Variants in TUB observed in about 807,000 individuals in gnomAD.
TUB encodes the protein tubby protein homolog.
Under a neutral mutation model 59.7 loss-of-function variants are expected in TUB, and 33 were observed. That is an observed-to-expected ratio of 0.55 (90% confidence interval 0.42 to 0.74). The LOEUF is 0.74. TUB is among the 30% of genes least tolerant of loss of function. The probability of loss-of-function intolerance (pLI) is 0.00; values close to 1 mark genes in which losing one functional copy is unlikely to be tolerated. For missense variants in TUB, 659 were observed against 672.0 expected (o/e 0.98, Z 0.21); for synonymous variants, 293 against 256.4 (o/e 1.14, Z -1.36).
chr11:8,089,761 A>T, intron 2 of TUB, 100 bp downstream of exon 2: 1 of 1,462,006 alleles, frequency 6.8e-7, no homozygotes, highest in Non-Finnish European at 9.6e-7. Context: ...ATCCCGTCTG[A>T]TTGGGGGATG....
chr11:8,101,650 G>A lies in TUB; in HGVS notation c.*31G>A. 6.2e-7 allele frequency: 1 copy of A among 1,611,708 alleles called. No homozygotes were observed. Among genetic ancestry groups the A allele is most frequent in the Non-Finnish European group, 8.5e-7 (1 of 1,178,950 alleles). On this transcript the variant is annotated 3_prime_UTR_variant, in exon 12 of 12. Transcript: ENST00000299506. ...TCTTCGTGCCCTTTGGGGTTGCCCAGCCTGGAGCGGAGCTTGCCTGCCTGC... is the reference window on the plus strand; with the variant it reads ...TCTTCGTGCCCTTTGGGGTTGCCCAACCTGGAGCGGAGCTTGCCTGCCTGC...
chr11:8,097,398 G>A lies in TUB; in HGVS notation c.858G>A (p.Leu286=), dbSNP rs756724213. The A allele has an allele frequency of 6.8e-6, 11 of 1,614,202 alleles. 1 individual carries two copies. The highest frequency in any genetic ancestry group is 1.6e-4 in the Middle Eastern group (1 of 6,062). ...GGGGCATGTACCCCACCTACTTTCT[G>A]CACCTGGACCGTGAGGATGGGAAGA... ...MDRGMYPTYF[L]HLDREDGKKV... is the part of the protein sequence containing the mutation. Residue 286 remains leucine (L), a synonymous_variant, in exon 7 of 12, where the codon CTG becomes CTA. Transcript: ENST00000299506.
intron 2 of TUB, chr11:8,075,898 T>C (rs1943441211): frequency 6.6e-6 from 1 of 152,306 alleles, no homozygotes; most frequent in Non-Finnish European, 1.5e-5. Context: ...GACTGTACTC[T>C]GATGAGTTGC....
intron 1 of TUB, chr11:8,019,431 C>T (rs1228433068): frequency 9.0e-6 from 11 of 1,220,532 alleles, no homozygotes; most frequent in African/African-American, 6.3e-5. Flanking sequence ...AGCGGGCCTC[C>T]GGGGGCTAGG....
In TUB at chr11:8,097,573, G is replaced by A. The variant is rs1944054557; in HGVS notation, c.886-141G>A. ...TCGTGTCTGGTCTGTGCACATCTTT[G>A]TGTTTTCCAGTGCATTTGTGTGTGT... On this transcript the variant is annotated intron_variant, in intron 7 of 11. Transcript: ENST00000299506. 5.3e-6 allele frequency: 7 copies of A among 1,321,448 alleles called. No individual in the cohort carries two copies. In the South Asian group the frequency reaches 6.6e-5, roughly 12 times the overall value. The allele number at this position is 1,321,448 out of a possible 1,614,324, so 81.9% of individuals were successfully genotyped here.
chr11:8,097,518 T>C (rs1317820282), intron 7 of TUB, 93 bp downstream of exon 7: 1 of 1,529,718 alleles, frequency 6.5e-7, no homozygotes, highest in Non-Finnish European at 9.0e-7. Context: ...TATCTACCAC[T>C]GACCTCTCAG....
At chr11:8,060,620 G>C (rs1270300437) in intron 2 of TUB, among the ~76,000 whole-genome samples, 2 of 152,210 alleles carry the variant, frequency 1.3e-5, no homozygotes, top group Non-Finnish European at 2.9e-5. Context: ...GGAAGCAGGA[G>C]TTGAGGGTGA....
chr11:8,069,403 G>A (rs898717665), intron 2 of TUB: 17 of 146,576 alleles, frequency 1.2e-4, no homozygotes, highest in African/African-American at 4.0e-4. Flanking sequence ...TTCTTTCGGG[G>A]GGGGGGGGTA....
chr11:8,050,274 C>G (rs567014040), intron 2 of TUB, among the ~76,000 whole-genome samples: 1 of 152,176 alleles, frequency 6.6e-6, no homozygotes, highest in Non-Finnish European at 1.5e-5. Flanking sequence ...TTGGCAGTTA[C>G]GAATAGTGCT....
chr11:8,026,225 T>C (rs1942498743), intron 1 of TUB, among the ~76,000 whole-genome samples: 1 of 152,188 alleles, frequency 6.6e-6, no homozygotes, highest in South Asian at 2.1e-4. Context: ...GATATATGAC[T>C]TGCAATATTT....
chr11:8,096,834 AG>A (rs765730010), intron 6 of TUB, 28 bp downstream of exon 6: 1 of 1,613,376 alleles, frequency 6.2e-7, no homozygotes, highest in Non-Finnish European at 8.5e-7. Flanking sequence ...CATCCACAGC[AG>A]TTTTTGGAGG....
At chr11:8,019,636 G>GC (rs1280415925) in intron 1 of TUB, among the ~76,000 whole-genome samples, 1 of 152,090 alleles carries the variant, frequency 6.6e-6, no homozygotes, top group African/African-American at 2.4e-5. Context: ...CACCCCAGCT[G>GC]CCCCGCCAGG....
chr11:8,089,038 C>T (rs1943719848), intron 1 of TUB, among the ~76,000 whole-genome samples: 3 of 152,172 alleles, frequency 2.0e-5, no homozygotes, highest in Admixed American at 2.0e-4. Flanking sequence ...AGAAGGAGGA[C>T]CCTCTGCCCT....
At chr11:8,080,228 A>T (rs1200336201), upstream of TUB, among the ~76,000 whole-genome samples, 1 of 152,246 alleles carries the variant, frequency 6.6e-6, no homozygotes, top group Non-Finnish European at 1.5e-5. Flanking sequence ...CAGGATGCAC[A>T]CGAGGACGCC....
At chr11:8,094,466 C>T (rs1279354845) in intron 4 of TUB, among the ~76,000 whole-genome samples, 1 of 152,218 alleles carries the variant, frequency 6.6e-6, no homozygotes, top group Non-Finnish European at 1.5e-5. Flanking sequence ...ACCTCAGCTA[C>T]CTTGGCCTGA....
chr11:8,038,652 C>T (rs1025749868), exon 1 of TUB: 16 of 1,330,026 alleles, frequency 1.2e-5, no homozygotes, highest in African/African-American at 1.5e-5. Context: ...TCAGTCTGGT[C>T]CTGAAGGGTT....
At chr11:8,041,894 C>T (rs952402081) in intron 2 of TUB, among the ~76,000 whole-genome samples, 6 of 152,162 alleles carry the variant, frequency 3.9e-5, no homozygotes, top group East Asian at 1.9e-4. Flanking sequence ...CAGCCTCCAG[C>T]GAGCCCCCAG....
chr11:8,100,731 A>G, intron 10 of TUB, 95 bp from the exon 11 acceptor site: 2 of 1,570,448 alleles, frequency 1.3e-6, no homozygotes, highest in Non-Finnish European at 1.7e-6. Flanking sequence ...AGGTCTAGGG[A>G]AATCCAAGGA....
chr11:8,038,982 C>A, exon 1 of TUB: 6 of 1,614,036 alleles, frequency 3.7e-6, no homozygotes, highest in Non-Finnish European at 5.1e-6. Flanking sequence ...GCATTCAAAG[C>A]AGCACAGGAA....
Sources: allele counts gnomAD v4.1 joint callset (sites outside exome capture counted in the v4.1 genomes callset), GRCh38; gene constraint gnomAD v4.1.1; transcripts MANE v1.5; gene names NCBI Gene and HGNC (gene_info 2026-07-23, HGNC 2026-07-21).